The following LRP1B variants were observed in gnomAD, a reference collection of about 807,000 sequenced individuals.
LRP1B encodes the protein LDL receptor related protein 1B.
LRP1B carries 217 observed loss-of-function variants against 556.6 expected under a neutral mutation model. The observed-to-expected ratio is 0.39, with a 90% confidence interval of 0.35 to 0.44. LRP1B has a LOEUF of 0.44. LRP1B is among the 20% of genes least tolerant of loss of function. LRP1B has a pLI of 1.00. For synonymous variants in LRP1B, 2,047 were observed against 1,865.8 expected (o/e 1.10, Z -2.50); for missense variants, 5,053 against 5,620.8 (o/e 0.90, Z 3.23).
intron 29 of LRP1B, among the ~76,000 whole-genome samples, chr2:140,844,786 C>T (rs1311031428): frequency 6.6e-6 from 1 of 152,070 alleles, no homozygotes; most frequent in Non-Finnish European, 1.5e-5. Context: ...TTTTCAAATG[C>T]ATTGTCGAGC....
At chr2:141,435,524 T>C (rs1680730832) in intron 3 of LRP1B, among the ~76,000 whole-genome samples, 1 of 152,188 alleles carries the variant, frequency 6.6e-6, no homozygotes, top group African/African-American at 2.4e-5. Context: ...GTCAGTGTCC[T>C]CAGGTAAAGC....
chr2:141,060,967 G>A (rs962734373), intron 8 of LRP1B, among the ~76,000 whole-genome samples: 3 of 151,796 alleles, frequency 2.0e-5, no homozygotes, highest in Non-Finnish European at 2.9e-5. Flanking sequence ...ACTTTTTAAA[G>A]TAGTCATGAA....
chr2:141,194,861 T>C (rs1681682420), intron 6 of LRP1B, among the ~76,000 whole-genome samples: 1 of 152,078 alleles, frequency 6.6e-6, no homozygotes, highest in South Asian at 2.1e-4. Context: ...TTCAAAAATA[T>C]TAGTTATCTC....
intron 32 of LRP1B, among the ~76,000 whole-genome samples, chr2:140,796,053 A>ATATCTATC (rs56889775): frequency 6.0e-4 from 91 of 151,146 alleles, no homozygotes; most frequent in East Asian, 4.1e-3. Flanking sequence ...TCCCTGCTCT[A>ATATCTATC]TATCTATCTA....
intron 1 of LRP1B, among the ~76,000 whole-genome samples, chr2:142,115,541 TGTAATA>T (rs1280732114): frequency 6.7e-5 from 3 of 44,834 alleles, no homozygotes; most frequent in African/African-American, 2.0e-4. Context: ...ATATTACATA[TGTAATA>T]TATATATTAT....
chr2:140,512,048 A>G (rs1009791097), intron 51 of LRP1B, among the ~76,000 whole-genome samples: 8 of 152,144 alleles, frequency 5.3e-5, no homozygotes, highest in Non-Finnish European at 1.2e-4. Flanking sequence ...AGTTTTGATA[A>G]ATGTAAAATT....
intron 1 of LRP1B, among the ~76,000 whole-genome samples, chr2:142,088,054 A>T (rs1271642874): frequency 2.0e-5 from 3 of 152,182 alleles, no homozygotes; most frequent in Non-Finnish European, 2.9e-5. Flanking sequence ...CAAAGGATTC[A>T]CTACAGGTTT....
At chr2:140,971,666 C>T (rs1196046273) in intron 18 of LRP1B, among the ~76,000 whole-genome samples, 1 of 152,078 alleles carries the variant, frequency 6.6e-6, no homozygotes, top group Non-Finnish European at 1.5e-5. Context: ...AACCCTTTCT[C>T]TACTAACAAT....
At chr2:141,867,653 T>C (rs1314156580) in intron 1 of LRP1B, among the ~76,000 whole-genome samples, 1 of 152,188 alleles carries the variant, frequency 6.6e-6, no homozygotes. Flanking sequence ...CATTGCCTCT[T>C]AGTTATCTTA....
intron 20 of LRP1B, among the ~76,000 whole-genome samples, chr2:140,942,921 T>C (rs1199440845): frequency 2.6e-5 from 4 of 151,850 alleles, no homozygotes; most frequent in Admixed American, 2.6e-4. Flanking sequence ...AGAACGAAAA[T>C]CTCTTATATC....
chr2:141,463,576 ATATAATT>A (rs1234766125), intron 3 of LRP1B, among the ~76,000 whole-genome samples: 18 of 49,220 alleles, frequency 3.7e-4, no homozygotes, highest in Non-Finnish European at 7.3e-4. Flanking sequence ...TATATATTAT[ATATAATT>A]ATATATAATA....
At chr2:141,148,443 C>T (rs942180816) in intron 7 of LRP1B, among the ~76,000 whole-genome samples, 58 of 152,230 alleles carry the variant, frequency 3.8e-4, no homozygotes, top group African/African-American at 1.4e-3. Context: ...TGGAAAGCAG[C>T]CCTGGCCTTA....
intron 43 of LRP1B, among the ~76,000 whole-genome samples, chr2:140,556,467 C>A (rs184115321): frequency 6.6e-6 from 1 of 152,082 alleles, no homozygotes; most frequent in East Asian, 1.9e-4. Context: ...CATCATATTA[C>A]CCCACAACTA....
chr2:141,851,746 C>T (rs1034268777), intron 1 of LRP1B, among the ~76,000 whole-genome samples: 1 of 151,584 alleles, frequency 6.6e-6, no homozygotes, highest in Non-Finnish European at 1.5e-5. Context: ...TAAGGAATTG[C>T]TGTTTCCTTA....
At chr2:141,802,439 A>C (rs896467037) in intron 2 of LRP1B, among the ~76,000 whole-genome samples, 1 of 152,148 alleles carries the variant, frequency 6.6e-6, no homozygotes, top group Non-Finnish European at 1.5e-5. Context: ...AATGTTATGA[A>C]GTTTTTAGAA....
At chr2:141,877,562 T>C (rs10181557) in intron 1 of LRP1B, among the ~76,000 whole-genome samples, 24,100 of 151,954 alleles carry the variant, frequency 0.16, 1,995 homozygotes, top group South Asian at 0.19. Context: ...GGTGATATTG[T>C]CACTGAATCA....
At position 141,850,607 on chromosome 2, in the gene LRP1B, G is replaced by A. The variant is rs1474675264; in HGVS notation, c.83-40206C>T. Among the ~76,000 whole-genome samples, 3 of 130,916 alleles carry A rather than the reference G, an allele frequency of 2.3e-5. No individual in the cohort carries two copies. The East Asian group carries it at 6.7e-4, about 29-fold the overall frequency. The allele number at this position is 130,916 out of a possible 152,430, so 85.9% of individuals were successfully genotyped here. The stretch of plus-strand genomic sequence containing the variant: ...TGTATATATATATATATATAGTTCT[G>A]CCCTAGCATAAACTCTGTGTGTGTG... On this transcript the variant is annotated intron_variant, in intron 1 of 90. Transcript: ENST00000389484.
At chr2:141,340,529 G>C (rs1368106252) in intron 3 of LRP1B, among the ~76,000 whole-genome samples, 6 of 152,078 alleles carry the variant, frequency 3.9e-5, no homozygotes, top group Non-Finnish European at 8.8e-5. Flanking sequence ...TAAATGCAGT[G>C]ACCCTGATAA....
intron 77 of LRP1B, among the ~76,000 whole-genome samples, chr2:140,346,638 CT>C (rs899620071): frequency 6.6e-6 from 1 of 151,814 alleles, no homozygotes; most frequent in African/African-American, 2.4e-5. Context: ...TTTGCCAAGA[CT>C]TTGAAGTGTT....
Sources: allele counts gnomAD v4.1 joint callset (sites outside exome capture counted in the v4.1 genomes callset), GRCh38; gene constraint gnomAD v4.1.1; transcripts MANE v1.5; gene names NCBI Gene and HGNC (gene_info 2026-07-23, HGNC 2026-07-21).